Variants in ST6GALNAC3 observed in about 807,000 individuals in gnomAD.
The protein encoded by ST6GALNAC3 is ST6 N-acetylgalactosaminide alpha-2,6-sialyltransferase 3, also known as alpha-N-acetylgalactosaminide alpha-2,6-sialyltransferase 3.
A neutral mutation model predicts 32.7 loss-of-function variants in ST6GALNAC3; 25 were observed. The observed-to-expected ratio is 0.76, with a 90% CI of 0.56 to 1.07. The LOEUF is 1.07. ST6GALNAC3 is among the 50% of genes least tolerant of loss of function. The pLI is 0.00. For missense variants in ST6GALNAC3, 355 were observed against 382.4 expected (o/e 0.93, Z 0.60); for synonymous variants, 129 against 133.1 (o/e 0.97, Z 0.21).
chr1:76,588,660 G>A (rs1169706234), intron 3 of ST6GALNAC3, among the ~76,000 whole-genome samples: 4 of 152,126 alleles, frequency 2.6e-5, no homozygotes, highest in South Asian at 2.1e-4. Flanking sequence ...TGACAATCAC[G>A]GGTACTAGCA....
At chr1:76,349,158 A>T (rs1356061072) in intron 2 of ST6GALNAC3, among the ~76,000 whole-genome samples, 1 of 152,152 alleles carries the variant, frequency 6.6e-6, no homozygotes, top group Admixed American at 6.5e-5. Context: ...AGTGGTGTGT[A>T]TCCTCCCCTA....
At chr1:76,164,507 C>G (rs978167385) in intron 1 of ST6GALNAC3, among the ~76,000 whole-genome samples, 48 of 152,130 alleles carry the variant, frequency 3.2e-4, no homozygotes, top group African/African-American at 1.1e-3. Flanking sequence ...ACATTATGTA[C>G]CCCTTAAGCA....
chr1:76,353,908 G>A (rs1006384804), intron 2 of ST6GALNAC3: 7 of 163,512 alleles, frequency 4.3e-5, no homozygotes, highest in African/African-American at 1.7e-4. Context: ...CCAAGCAGGT[G>A]GGTCTTTGAC....
At chr1:76,462,235 T>TAA (rs71676938) in intron 3 of ST6GALNAC3, among the ~76,000 whole-genome samples, 1,992 of 147,974 alleles carry the variant, frequency 0.013, 43 homozygotes, top group African/African-American at 0.045. Context: ...GAATTAATGG[T>TAA]AAAAAAAAAA....
At chr1:76,598,891 A>G (rs1244139617) in intron 3 of ST6GALNAC3, among the ~76,000 whole-genome samples, 1 of 152,242 alleles carries the variant, frequency 6.6e-6, no homozygotes, top group East Asian at 1.9e-4. Context: ...TCTGACAAAA[A>G]TATGTAAAAT....
intron 1 of ST6GALNAC3, among the ~76,000 whole-genome samples, chr1:76,295,890 G>A (rs745792112): frequency 6.6e-6 from 1 of 152,018 alleles, no homozygotes; most frequent in Non-Finnish European, 1.5e-5. Flanking sequence ...ACTATAGGGA[G>A]GGATCTTTCA....
chr1:76,325,006 A>T (rs1289432818), intron 2 of ST6GALNAC3, among the ~76,000 whole-genome samples: 1 of 152,192 alleles, frequency 6.6e-6, no homozygotes, highest in Non-Finnish European at 1.5e-5. Flanking sequence ...ATATGTATAC[A>T]TGTGCCAAAC....
Position 76,090,606 on chromosome 1 carries a change from C to T in ST6GALNAC3, c.18+15722C>T, listed in dbSNP as rs186914834. Among the ~76,000 whole-genome samples, 211 of 152,298 alleles carry T rather than the reference C, an allele frequency of 1.4e-3. 2 individuals carry two copies. The highest frequency in any genetic ancestry group is 3.5e-4 in the Non-Finnish European group (24 of 68,036). On this transcript the variant is annotated intron_variant, in intron 1 of 4. Transcript: ENST00000328299. ...TTCCTTTTTCATTTGGAATATATTA[C>T]GATCTTTGAATCATGACTCCACAGG...
chr1:76,630,287 G>T lies in ST6GALNAC3; in HGVS notation c.*1481G>T, dbSNP rs1052287056. Reference sequence around the variant, plus strand: ...GTCTTGGCCATATGCTAGGGCCCCTGTGAAAATAAGTAGTTTTGAGAAGTT... The same window carrying T: ...GTCTTGGCCATATGCTAGGGCCCCTTTGAAAATAAGTAGTTTTGAGAAGTT... On this transcript the variant is annotated 3_prime_UTR_variant, in exon 5 of 5. Coordinates refer to ENST00000328299, the MANE Select transcript of ST6GALNAC3 (RefSeq NM_152996.4). 4.1e-6 allele frequency: 4 copies of T among 985,056 alleles called. No individual in the cohort carries two copies. In the African/African-American group the frequency reaches 7.0e-5, roughly 17 times the overall value. 61.0% of individuals were successfully genotyped at this position (985,056 alleles called of 1,614,324 possible). A position where few individuals can be genotyped will look rare whatever the true frequency, so the allele number is the denominator to read the frequency against.
At chr1:76,326,826 G>GTTTTTTTTTTT (rs11331532) in intron 2 of ST6GALNAC3, among the ~76,000 whole-genome samples, 10 of 113,400 alleles carry the variant, frequency 8.8e-5, no homozygotes, top group East Asian at 5.4e-4. Flanking sequence ...GAAGTTTTGG[G>GTTTTTTTTTTT]TTTTTTTTTT....
intron 3 of ST6GALNAC3, among the ~76,000 whole-genome samples, chr1:76,451,306 G>C (rs909991813): frequency 1.3e-5 from 2 of 152,162 alleles, no homozygotes; most frequent in African/African-American, 4.8e-5. Flanking sequence ...GTAGGTGAAG[G>C]AAGAGCAAAG....
In ST6GALNAC3 at chr1:76,353,334, C is replaced by A. The variant is rs184555170; in HGVS notation, c.213+39335C>A. Among the ~76,000 whole-genome samples the A allele has an allele frequency of 3.5e-4, 54 of 152,300 alleles. 1 individual carries two copies. The highest frequency in any genetic ancestry group is 1.4e-3 in the Admixed American group (22 of 15,296). ...CTGAGCAGTCTCAGCTCAGTTGCCA[C>A]CCCTTCAGAGAGGCTTCCAACCTGG... On this transcript the variant is annotated intron_variant, in intron 2 of 4. Transcript: ENST00000328299.
chr1:76,482,167 C>CACACAT (rs1350644115), intron 3 of ST6GALNAC3, among the ~76,000 whole-genome samples: 2 of 151,718 alleles, frequency 1.3e-5, no homozygotes, highest in African/African-American at 4.8e-5. Context: ...CACACACACA[C>CACACAT]ATGCACTTCA....
chr1:76,451,266 C>T (rs1274438838), intron 3 of ST6GALNAC3, among the ~76,000 whole-genome samples: 2 of 152,204 alleles, frequency 1.3e-5, no homozygotes, highest in Non-Finnish European at 2.9e-5. Flanking sequence ...CACAGTTTCA[C>T]ATGGCTGGCA....
At chr1:76,404,469 T>C (rs1009253208) in intron 2 of ST6GALNAC3, among the ~76,000 whole-genome samples, 16 of 152,116 alleles carry the variant, frequency 1.1e-4, no homozygotes, top group Admixed American at 7.9e-4. Flanking sequence ...AAAATACATT[T>C]TTTTATCAAG....
intron 4 of ST6GALNAC3, 143 bp downstream of exon 4, chr1:76,627,702 T>TAAAA: frequency 1.4e-6 from 1 of 729,024 alleles, no homozygotes; most frequent in Non-Finnish European, 2.3e-6. Context: ...TGACATTTTA[T>TAAAA]TGTCAGTGCG....
At chr1:76,206,902 C>T (rs1198205554) in intron 1 of ST6GALNAC3, among the ~76,000 whole-genome samples, 8 of 152,156 alleles carry the variant, frequency 5.3e-5, no homozygotes, top group Admixed American at 2.0e-4. Context: ...TAGCACTTTT[C>T]GTCCCTCTAA....
intron 2 of ST6GALNAC3, among the ~76,000 whole-genome samples, chr1:76,358,988 C>T (rs754522330): frequency 6.6e-6 from 1 of 152,172 alleles, no homozygotes; most frequent in Non-Finnish European, 1.5e-5. Context: ...AGAGTCTGTA[C>T]TGGCATCAGG....
At chr1:76,284,135 T>G (rs183331956) in intron 1 of ST6GALNAC3, among the ~76,000 whole-genome samples, 6 of 152,292 alleles carry the variant, frequency 3.9e-5, no homozygotes, top group African/African-American at 1.2e-4. Flanking sequence ...TAAGTTTAAT[T>G]TTTTTTCCTC....
Sources: allele counts gnomAD v4.1 joint callset (sites outside exome capture counted in the v4.1 genomes callset), GRCh38; gene constraint gnomAD v4.1.1; transcripts MANE v1.5; gene names NCBI Gene and HGNC (gene_info 2026-07-23, HGNC 2026-07-21).